SBF2: variants seen among roughly 807,000 people sequenced by gnomAD.
SBF2 encodes SET binding factor 2.
SBF2 carries 112 observed loss-of-function variants against 225.2 expected under a neutral mutation model. That is an observed-to-expected ratio of 0.50 (90% confidence interval 0.43 to 0.58). The LOEUF (loss-of-function observed/expected upper bound fraction) is 0.58. Ranked by LOEUF, SBF2 falls within the 20% of genes least tolerant of loss-of-function variation. The pLI, the probability that SBF2 is intolerant of heterozygous loss-of-function variation, is 0.00. For synonymous variants in SBF2, 763 were observed against 773.3 expected (o/e 0.99, Z 0.22); for missense variants, 1,996 against 2,206.2 (o/e 0.90, Z 1.91).
At chr11:9,888,154 A>G (rs1036412508) in intron 17 of SBF2, among the ~76,000 whole-genome samples, 2 of 152,156 alleles carry the variant, frequency 1.3e-5, no homozygotes, top group Non-Finnish European at 2.9e-5. Context: ...TATTAGTGAA[A>G]TACAAAAGTG....
chr11:9,987,973 C>T (rs1457854172), intron 13 of SBF2, among the ~76,000 whole-genome samples: 1 of 152,038 alleles, frequency 6.6e-6, no homozygotes, highest in African/African-American at 2.4e-5. Flanking sequence ...CAAGACTAAG[C>T]AAAAAGAACA....
intron 1 of SBF2, among the ~76,000 whole-genome samples, chr11:10,223,359 G>A (rs1424130008): frequency 7.4e-6 from 1 of 134,868 alleles, no homozygotes; most frequent in Non-Finnish European, 1.5e-5. Context: ...GCCTACTGCT[G>A]ACCAGAAGCC....
At chr11:10,238,402 C>T (rs1057248970) in intron 1 of SBF2, among the ~76,000 whole-genome samples, 2 of 151,654 alleles carry the variant, frequency 1.3e-5, no homozygotes, top group Non-Finnish European at 2.9e-5. Context: ...AGAGTAAGGC[C>T]CTGTCTCAAA....
Position 9,989,576 on chromosome 11 carries a change from T to A in SBF2, c.1316A>T (p.Glu439Val), listed in dbSNP as rs754505342. The change falls in exon 13 of 40, where the codon GAG becomes GTG. Residue 439 changes from glutamate (E) to valine (V), a missense_variant. Glu to Val is a moderately radical substitution (Grantham distance 121). Transcript: ENST00000256190. ...GTTATTTTCTTCAACTTTAATTCTCTCTACTTCAAAGGCTACCAACTAGGA... is the reference window on the plus strand; with the variant it reads ...GTTATTTTCTTCAACTTTAATTCTCACTACTTCAAAGGCTACCAACTAGGA... The part of the protein sequence containing the change: ...LFDELVAFEV[E>V]RIKVEENNPV... 3 of 1,605,472 alleles carry A rather than the reference T, an allele frequency of 1.9e-6. No homozygotes were observed. In the East Asian group the frequency reaches 6.7e-5, roughly 36 times the overall value.
intron 2 of SBF2, among the ~76,000 whole-genome samples, chr11:10,097,490 A>G (rs1952075234): frequency 6.6e-6 from 1 of 152,192 alleles, no homozygotes; most frequent in South Asian, 2.1e-4. Flanking sequence ...CCACGAAACA[A>G]AATTAACAAA....
In SBF2 at chr11:9,856,549, G is replaced by C; in HGVS notation, c.2272C>G (p.Leu758Val). 3 of 1,614,112 alleles carry C rather than the reference G, an allele frequency of 1.9e-6. No homozygotes were observed. The highest frequency in any genetic ancestry group is 1.1e-5 in the South Asian group (1 of 91,084). Residue 758 changes from leucine to valine, a missense_variant, in exon 19 of 40, where the codon CTA becomes GTA. Leu to Val is a conservative substitution (Grantham distance 32). Coordinates refer to ENST00000256190, the MANE Select transcript of SBF2 (RefSeq NM_030962.4). ...IHFANLMVNL[L>V]VPLDTSKNKL... Reference sequence around the variant, plus strand: ...TTTTTACTTGTGTCGAGTGGAACTAGCAGGTTCACCATGAGGTTTGCAAAG... The same window carrying C: ...TTTTTACTTGTGTCGAGTGGAACTACCAGGTTCACCATGAGGTTTGCAAAG...
intron 6 of SBF2, among the ~76,000 whole-genome samples, chr11:10,004,574 T>TAAA (rs763688115): frequency 0.16 from 13,737 of 84,674 alleles, 1,019 homozygotes; most frequent in East Asian, 0.19. Context: ...CTACAAAAAT[T>TAAA]AAAAAAAAAA....
At chr11:10,060,820 C>T (rs754561286) in intron 2 of SBF2, among the ~76,000 whole-genome samples, 9 of 151,908 alleles carry the variant, frequency 5.9e-5, no homozygotes, top group African/African-American at 7.3e-5. Flanking sequence ...CGAGGTTAGG[C>T]GATCGAGACC....
chr11:10,127,078 A>C (rs1013637378), intron 2 of SBF2, among the ~76,000 whole-genome samples: 1 of 152,196 alleles, frequency 6.6e-6, no homozygotes, highest in Middle Eastern at 3.4e-3. Flanking sequence ...ACAGTGTTTC[A>C]GTTTCGGATG....
At chr11:9,807,873 G>A in intron 32 of SBF2, 127 bp downstream of exon 32, 1 of 867,104 alleles carries the variant, frequency 1.2e-6, no homozygotes, top group Non-Finnish European at 1.9e-6. Context: ...ATTTCAGCAT[G>A]TCCTGTGGCT....
At position 10,060,683 on chromosome 11, in the gene SBF2, A is replaced by C. The variant is rs142833976; in HGVS notation, c.142-17702T>G. On this transcript the variant is annotated intron_variant, in intron 2 of 39. Coordinates refer to ENST00000256190, the MANE Select transcript of SBF2 (RefSeq NM_030962.4). ...CAGCACATCAAAAAGCTAACCCACC[A>C]TGACCAAGTAGGCTTCATCCCTGGG... is the stretch of plus-strand genomic sequence containing the variant. Among the ~76,000 whole-genome samples, 14 of 152,324 alleles carry C rather than the reference A, an allele frequency of 9.2e-5. No homozygotes were observed. In the East Asian group the frequency reaches 1.5e-3, roughly 17 times the overall value.
intron 32 of SBF2, among the ~76,000 whole-genome samples, chr11:9,804,232 C>T (rs1003640675): frequency 3.3e-5 from 5 of 152,082 alleles, no homozygotes; most frequent in East Asian, 1.9e-4. Context: ...ATGGAAAAAA[C>T]GAAAAGCCTG....
chr11:10,223,779 G>A lies in SBF2; in HGVS notation c.56-29792C>T, dbSNP rs148547571. ...TCAAGAGTGAGAATTTTTAACTATC[G>A]TATCCAACTTACTGGAGAGATAAAC... On this transcript the variant is annotated intron_variant, in intron 1 of 39. Transcript: ENST00000256190. 8.6e-5 allele frequency among the ~76,000 whole-genome samples: 13 copies of A among 151,926 alleles called. No homozygotes were observed. The East Asian group carries it at 9.7e-4, about 11-fold the overall frequency.
intron 2 of SBF2, among the ~76,000 whole-genome samples, chr11:10,136,722 G>A (rs577387948): frequency 1.3e-5 from 2 of 152,318 alleles, no homozygotes; most frequent in African/African-American, 4.8e-5. Flanking sequence ...TTAAACTATA[G>A]GACACTCTAT....
intron 3 of SBF2, among the ~76,000 whole-genome samples, chr11:10,038,676 T>C (rs560972324): frequency 6.9e-4 from 105 of 152,030 alleles, no homozygotes; most frequent in Non-Finnish European, 1.2e-3. Context: ...ATGTCTTCTA[T>C]GTCTCTCCCT....
At chr11:9,807,403 C>A (rs991695129) in intron 32 of SBF2, among the ~76,000 whole-genome samples, 2 of 152,214 alleles carry the variant, frequency 1.3e-5, no homozygotes, top group African/African-American at 4.8e-5. Flanking sequence ...ATTTGGTTTT[C>A]TGCTTCTGCA....
At chr11:10,021,689 G>A (rs1948864270) in intron 6 of SBF2, among the ~76,000 whole-genome samples, 1 of 152,114 alleles carries the variant, frequency 6.6e-6, no homozygotes, top group African/African-American at 2.4e-5. Flanking sequence ...ACTAGTCAAG[G>A]TTACAAAAGG....
At chr11:9,841,484 A>G (rs759850307) in intron 25 of SBF2, among the ~76,000 whole-genome samples, 5 of 151,754 alleles carry the variant, frequency 3.3e-5, no homozygotes, top group Non-Finnish European at 7.4e-5. Flanking sequence ...GCTTGTATGT[A>G]CATGTTCTCA....
intron 37 of SBF2, 60 bp downstream of exon 37, chr11:9,785,065 G>GT (rs1301319902): frequency 1.0e-5 from 15 of 1,485,766 alleles, no homozygotes; most frequent in Non-Finnish European, 1.4e-5. Flanking sequence ...GGGACCTGTG[G>GT]TTTAGCCTCA....
Sources: allele counts gnomAD v4.1 joint callset (sites outside exome capture counted in the v4.1 genomes callset), GRCh38; gene constraint gnomAD v4.1.1; transcripts MANE v1.5; gene names NCBI Gene and HGNC (gene_info 2026-07-23, HGNC 2026-07-21).